PHTF2: variants seen among roughly 807,000 people sequenced by gnomAD.
The protein encoded by PHTF2 is putative homeodomain transcription factor 2.
A neutral mutation model predicts 101.2 loss-of-function variants in PHTF2; 60 were observed. The ratio of observed to expected loss-of-function variants is 0.59; its 90% CI spans 0.48 to 0.73. PHTF2 has a LOEUF of 0.73. Ranked by LOEUF, PHTF2 falls within the 30% of genes least tolerant of loss-of-function variation. The pLI, the probability that PHTF2 is intolerant of heterozygous loss-of-function variation, is 0.00. For synonymous variants in PHTF2, 311 were observed against 307.3 expected, an observed-to-expected ratio of 1.01 and a Z score of -0.13; for missense variants, 747 against 908.7, an observed-to-expected ratio of 0.82 and a Z score of 2.29.
At chr7:77,870,247 G>GTT (rs35903374) in intron 3 of PHTF2, among the ~76,000 whole-genome samples, 34 of 132,402 alleles carry the variant, frequency 2.6e-4, no homozygotes, top group African/African-American at 5.7e-4. Flanking sequence ...AATCCATTTT[G>GTT]TTTTTTTTTT....
intron 3 of PHTF2, among the ~76,000 whole-genome samples, chr7:77,886,374 C>G (rs1357210633): frequency 2.0e-5 from 3 of 152,150 alleles, no homozygotes; most frequent in African/African-American, 7.2e-5. Flanking sequence ...AAAGTTGTTT[C>G]ATAGGAGCCA....
chr7:77,807,510 G>A (rs1334101959), intron 1 of PHTF2, among the ~76,000 whole-genome samples: 1 of 152,076 alleles, frequency 6.6e-6, no homozygotes, highest in South Asian at 2.1e-4. Context: ...TTGGGCACAT[G>A]CCCATTCAAA....
intron 1 of PHTF2, among the ~76,000 whole-genome samples, chr7:77,801,610 AAAAC>A (rs780513784): frequency 1.3e-5 from 2 of 152,280 alleles, no homozygotes; most frequent in Non-Finnish European, 2.9e-5. Context: ...ACAAAACAAA[AAAAC>A]AGTCAAAACT....
intron 5 of PHTF2, among the ~76,000 whole-genome samples, chr7:77,900,398 A>C (rs1584644754): frequency 6.6e-6 from 1 of 152,196 alleles, no homozygotes; most frequent in Non-Finnish European, 1.5e-5. Flanking sequence ...TATGGGGCCA[A>C]TATAGTTCCC....
At chr7:77,838,556 T>C (rs531697512) in intron 1 of PHTF2, among the ~76,000 whole-genome samples, 2 of 152,286 alleles carry the variant, frequency 1.3e-5, no homozygotes, top group East Asian at 3.9e-4. Flanking sequence ...TAATTATAAT[T>C]GAAAACCTAC....
intron 1 of PHTF2, among the ~76,000 whole-genome samples, chr7:77,819,448 G>A (rs1040952805): frequency 1.3e-5 from 2 of 152,142 alleles, no homozygotes; most frequent in African/African-American, 4.8e-5. Context: ...ATGAAAGAAT[G>A]TTGACTTTTA....
intron 16 of PHTF2, among the ~76,000 whole-genome samples, chr7:77,948,068 G>A (rs963275197): frequency 6.6e-6 from 1 of 151,910 alleles, no homozygotes; most frequent in African/African-American, 2.4e-5. Context: ...TTGAACTCCT[G>A]ACCTCAGGTA....
chr7:77,810,112 C>A (rs1478918570), intron 1 of PHTF2, among the ~76,000 whole-genome samples: 2 of 151,938 alleles, frequency 1.3e-5, no homozygotes, highest in African/African-American at 4.8e-5. Context: ...TTCCTGTATA[C>A]CCTTCACCCA....
chr7:77,951,781 T>G, intron 18 of PHTF2, 69 bp downstream of exon 17: 3 of 688,028 alleles, frequency 4.4e-6, no homozygotes, highest in Non-Finnish European at 7.3e-6. Context: ...TTTTTTTGTT[T>G]ATAGATATTA....
intron 1 of PHTF2, among the ~76,000 whole-genome samples, chr7:77,831,270 A>C (rs1272419208): frequency 6.6e-6 from 1 of 152,256 alleles, no homozygotes; most frequent in African/African-American, 2.4e-5. Flanking sequence ...CAATTATGGA[A>C]GGCCACCACT....
At chr7:77,809,202 T>C (rs993179046) in intron 1 of PHTF2, among the ~76,000 whole-genome samples, 2 of 149,542 alleles carry the variant, frequency 1.3e-5, no homozygotes, top group African/African-American at 5.0e-5. Flanking sequence ...AATTGCATTT[T>C]CCTATATAAA....
chr7:77,953,665 G>T, intron 18 of PHTF2, 104 bp from the exon 18 acceptor site: 1 of 900,420 alleles, frequency 1.1e-6, no homozygotes, highest in South Asian at 2.3e-5. Flanking sequence ...TCCATAATTG[G>T]TAACTTTTTT....
chr7:77,927,157 CAAAAA>C (rs869210694), intron 11 of PHTF2, among the ~76,000 whole-genome samples: 5,647 of 36,060 alleles, frequency 0.16, 246 homozygotes, highest in South Asian at 0.34. Flanking sequence ...GACTCCATCT[CAAAAA>C]AAAAAAAAAA....
intron 18 of PHTF2, 49 bp downstream of exon 17, chr7:77,951,761 CATA>C (rs1806567534): frequency 6.4e-6 from 5 of 779,980 alleles, no homozygotes; most frequent in South Asian, 5.5e-5. Context: ...GCTGTTCTGA[CATA>C]ATTTTATTTT....
chr7:77,908,782 C>A lies in PHTF2; in HGVS notation c.446-11C>A. On this transcript the variant is annotated splice_polypyrimidine_tract_variant and intron_variant, in intron 7 of 19. Transcript: ENST00000416283. Reference sequence around the variant, plus strand: ...TCTATAATTAAGCATATTTTCTTTCCCTTTTTATAGTTGCTGCAATAGTAT... The same window carrying A: ...TCTATAATTAAGCATATTTTCTTTCACTTTTTATAGTTGCTGCAATAGTAT... The A allele has an allele frequency of 6.6e-7, 1 of 1,519,010 alleles. No individual in the cohort carries two copies. The highest frequency in any genetic ancestry group is 8.9e-7 in the Non-Finnish European group (1 of 1,121,570). The allele number at this position is 1,519,010 out of a possible 1,614,324, so 94.1% of individuals were successfully genotyped here. A position where few individuals can be genotyped will look rare whatever the true frequency, so the allele number is the denominator to read the frequency against.
intron 12 of PHTF2, among the ~76,000 whole-genome samples, chr7:77,935,093 TCAA>T (rs1804965806): frequency 6.7e-6 from 1 of 149,972 alleles, no homozygotes; most frequent in African/African-American, 2.5e-5. Flanking sequence ...CAGACATGAT[TCAA>T]CAAGACTGTT....
chr7:77,875,600 C>G lies in PHTF2; in HGVS notation c.148-18008C>G, dbSNP rs199567698. ...TGACATGGAGTCTCGCTGTGTTGCC[C>G]AGGCTGGAGTGCGGTGGCACCATCT... On this transcript the variant is annotated intron_variant, in intron 3 of 19. Transcript: ENST00000416283. Among the ~76,000 whole-genome samples the G allele has an allele frequency of 3.9e-4, 59 of 151,786 alleles. 1 individual carries two copies. The East Asian group carries it at 7.1e-3, about 18-fold the overall frequency.
At chr7:77,847,348 A>T (rs933739245) in intron 2 of PHTF2, among the ~76,000 whole-genome samples, 6 of 152,148 alleles carry the variant, frequency 3.9e-5, no homozygotes, top group Non-Finnish European at 7.4e-5. Context: ...TGTAATTTTA[A>T]ACTACCATGC....
At chr7:77,828,784 C>T (rs1794871921) in intron 1 of PHTF2, among the ~76,000 whole-genome samples, 1 of 151,898 alleles carries the variant, frequency 6.6e-6, no homozygotes, top group Non-Finnish European at 1.5e-5. Flanking sequence ...ACAAGAATTG[C>T]TTGAACCCAG....
Sources: allele counts gnomAD v4.1 joint callset (sites outside exome capture counted in the v4.1 genomes callset), GRCh38; gene constraint gnomAD v4.1.1; transcripts MANE v1.5; gene names NCBI Gene and HGNC (gene_info 2026-07-23, HGNC 2026-07-21).